Variants in ESRP1 observed in about 807,000 individuals in gnomAD.
ESRP1 encodes the protein epithelial splicing regulatory protein 1, also known as RNA-binding motif protein 35A.
Under a neutral mutation model 81.7 loss-of-function variants are expected in ESRP1, and 33 were observed. That is an observed-to-expected ratio of 0.40 (90% CI 0.31 to 0.54). The LOEUF (loss-of-function observed/expected upper bound fraction) is 0.54. ESRP1 is among the 20% of genes least tolerant of loss of function. The pLI is 0.41. For missense variants in ESRP1, 672 were observed against 833.1 expected (o/e 0.81, Z 2.38); for synonymous variants, 320 against 303.3 (o/e 1.06, Z -0.57).
intron 10 of ESRP1, among the ~76,000 whole-genome samples, chr8:94,670,420 C>T (rs1224817503): frequency 1.3e-5 from 2 of 152,084 alleles, no homozygotes; most frequent in African/African-American, 2.4e-5. Flanking sequence ...CTTTTTCATG[C>T]CGTTTCTCTG....
Position 94,671,494 on chromosome 8 carries a change from A to G in ESRP1, c.1275A>G (p.Pro425=), listed in dbSNP as rs1287412916. The G allele has an allele frequency of 5.0e-6, 8 of 1,613,750 alleles. No individual in the cohort carries two copies. Among genetic ancestry groups the G allele is most frequent in the Non-Finnish European group, 6.8e-6 (8 of 1,179,772 alleles). The change falls in exon 11 of 16, where the codon CCA becomes CCG. Residue 425 remains proline, a synonymous_variant. Coordinates refer to ENST00000433389, the MANE Select transcript of ESRP1 (RefSeq NM_017697.4). The part of the protein sequence containing the change: ...RFSSAPLIPL[P]TPPIIPVLPQ... ...CCTCGGCCCCTCTCATTCCACTTCCAACCCCTCCCATTATTCCAGTACTAC... is the reference window on the plus strand; with the variant it reads ...CCTCGGCCCCTCTCATTCCACTTCCGACCCCTCCCATTATTCCAGTACTAC...
At chr8:94,648,825 A>G (rs1195995563) in intron 4 of ESRP1, among the ~76,000 whole-genome samples, 1 of 152,272 alleles carries the variant, frequency 6.6e-6, no homozygotes, top group African/African-American at 2.4e-5. Context: ...ACGAGGATAC[A>G]GAAATATCAA....
At position 94,641,243 on chromosome 8, in the gene ESRP1, A is replaced by G; in HGVS notation, c.-76A>G. ...TTTTTCTCTTAGAAGAGGGTTTAGC[A>G]CAGGTTTTTTCGTTCTCACTTCCAC... On this transcript the variant is annotated 5_prime_UTR_variant, in exon 1 of 16. Transcript: ENST00000433389. The G allele has an allele frequency of 1.4e-6, 2 of 1,417,502 alleles. No individual in the cohort carries two copies. Among genetic ancestry groups the G allele is most frequent in the Non-Finnish European group, 1.9e-6 (2 of 1,030,028 alleles). The allele number at this position is 1,417,502 out of a possible 1,614,324, so 87.8% of individuals were successfully genotyped here. A position where few individuals can be genotyped will look rare whatever the true frequency, so the allele number is the denominator to read the frequency against.
At chr8:94,650,898 A>G (rs890575460) in intron 4 of ESRP1, among the ~76,000 whole-genome samples, 10 of 151,866 alleles carry the variant, frequency 6.6e-5, no homozygotes, top group African/African-American at 9.7e-5. Context: ...GTAGAGACGG[A>G]GTTTCACCAT....
In ESRP1 at chr8:94,675,529, G is replaced by A. The variant is rs1249425252; in HGVS notation, c.1651+1023G>A. ...CATTTACCTGCTGCTTGCTGTTGGT[G>A]AATATCTTAGAGTTGATCATTAATA... is the stretch of plus-strand genomic sequence containing the variant. On this transcript the variant is annotated intron_variant, in intron 12 of 15. Transcript: ENST00000433389. 3.3e-5 allele frequency among the ~76,000 whole-genome samples: 5 copies of A among 152,264 alleles called. No homozygotes were observed. In the East Asian group the frequency reaches 9.6e-4, roughly 29 times the overall value.
intron 13 of ESRP1, among the ~76,000 whole-genome samples, chr8:94,691,894 T>A (rs1586252150): frequency 6.6e-6 from 1 of 152,154 alleles, no homozygotes; most frequent in African/African-American, 2.4e-5. Flanking sequence ...GTAATAAAAA[T>A]TTTTAATAAT....
intron 4 of ESRP1, among the ~76,000 whole-genome samples, chr8:94,653,809 A>G (rs889813163): frequency 2.0e-5 from 3 of 151,946 alleles, no homozygotes; most frequent in Admixed American, 6.6e-5. Flanking sequence ...AGGGATATAT[A>G]TATATATAAA....
Position 94,670,065 on chromosome 8 carries a change from G to A in ESRP1, c.1234-1388G>A, listed in dbSNP as rs116141363. Among the ~76,000 whole-genome samples, 1,291 of 152,184 alleles carry A rather than the reference G, an allele frequency of 8.5e-3. 25 individuals carry two copies. The highest frequency in any genetic ancestry group is 0.029 in the African/African-American group (1,217 of 41,502). ...AAATCATGGCCTAGAATAAGCTACT[G>A]CAGAGCCTGGGCTACTCTGTTGGTT... On this transcript the variant is annotated intron_variant, in intron 10 of 15. Coordinates refer to ENST00000433389, the MANE Select transcript of ESRP1 (RefSeq NM_017697.4).
chr8:94,689,715 T>A (rs4639480), intron 13 of ESRP1, among the ~76,000 whole-genome samples: 4 of 151,150 alleles, frequency 2.6e-5, no homozygotes, highest in South Asian at 4.2e-4. Context: ...GCAGCCGATC[T>A]TGGCCCACTG....
intron 4 of ESRP1, among the ~76,000 whole-genome samples, chr8:94,655,107 GT>G (rs1385050645): frequency 2.0e-5 from 3 of 148,006 alleles, no homozygotes; most frequent in East Asian, 2.0e-4. Flanking sequence ...GTTTTGTTTA[GT>G]TTTTTTTGAT....
intron 13 of ESRP1, among the ~76,000 whole-genome samples, chr8:94,689,811 CT>C (rs58359551): frequency 0.051 from 3,252 of 63,702 alleles, 20 homozygotes; most frequent in Non-Finnish European, 0.066. Flanking sequence ...TGATGCCTGG[CT>C]TTTTTTTTTT....
chr8:94,672,779 C>T (rs1045419153), intron 11 of ESRP1, among the ~76,000 whole-genome samples: 14 of 152,218 alleles, frequency 9.2e-5, no homozygotes, highest in Admixed American at 2.0e-4. Context: ...GCGATCTACC[C>T]GCCTTGGCCT....
chr8:94,705,772 A>G, intron 15 of ESRP1, 153 bp from the exon 16 acceptor site: 2 of 680,416 alleles, frequency 2.9e-6, no homozygotes, highest in Admixed American at 3.1e-5. Flanking sequence ...GTAAATGCCA[A>G]CTATGTCTGT....
At chr8:94,664,585 C>A in intron 6 of ESRP1, 112 bp from the exon 7 acceptor site, 1 of 756,156 alleles carries the variant, frequency 1.3e-6, no homozygotes, top group Non-Finnish European at 2.3e-6. Flanking sequence ...GCTAGTCTGT[C>A]TGAACACCAA....
chr8:94,665,171 T>C lies in ESRP1; in HGVS notation c.906T>C (p.Gly302=). 1 of 1,613,408 alleles carries C rather than the reference T, an allele frequency of 6.2e-7. No individual in the cohort carries two copies. The highest frequency in any genetic ancestry group is 2.2e-5 in the East Asian group (1 of 44,884). The change falls in exon 9 of 16, where the codon GGT becomes GGC. Residue 302 remains glycine, a synonymous_variant. Coordinates refer to ENST00000433389, the MANE Select transcript of ESRP1 (RefSeq NM_017697.4). ...TRYIEVYKAT[G]EDFLKIAGGT... ...TTTCTCAGGTTTACAAAGCAACAGG[T>C]GAAGATTTCCTTAAAATTGCTGGTG...
At chr8:94,641,606 A>G (rs1817592160) in intron 1 of ESRP1, 156 bp downstream of exon 1, 6 of 1,071,982 alleles carry the variant, frequency 5.6e-6, no homozygotes, top group Non-Finnish European at 8.1e-6. Flanking sequence ...GAGTAAAACC[A>G]AACTTATTGG....
intron 2 of ESRP1, 48 bp from the exon 3 acceptor site, chr8:94,643,255 T>G (rs773568511): frequency 1.5e-6 from 2 of 1,312,994 alleles, no homozygotes; most frequent in South Asian, 1.2e-5. Context: ...TTGCAGAGTT[T>G]GTAAATCGTG....
At position 94,703,330 on chromosome 8, in the gene ESRP1, T is replaced by C. The variant is rs1809924746; in HGVS notation, c.*36-2595T>C. 2.0e-5 allele frequency among the ~76,000 whole-genome samples: 3 copies of C among 152,056 alleles called. No individual in the cohort carries two copies. The South Asian group carries it at 6.3e-4, about 32-fold the overall frequency. ...CCGCTACTCCCAGCTTATTTATTAT[T>C]TTTAGTAGAGACAGGGTTTCACCAT... On this transcript the variant is annotated intron_variant, in intron 15 of 15. Transcript: ENST00000433389.
intron 13 of ESRP1, among the ~76,000 whole-genome samples, chr8:94,681,370 G>T (rs1311752153): frequency 6.8e-6 from 1 of 146,106 alleles, no homozygotes; most frequent in Non-Finnish European, 1.5e-5. Flanking sequence ...TGGCATGGTG[G>T]CTCACTCCTG....
Sources: allele counts gnomAD v4.1 joint callset (sites outside exome capture counted in the v4.1 genomes callset), GRCh38; gene constraint gnomAD v4.1.1; transcripts MANE v1.5; gene names NCBI Gene and HGNC (gene_info 2026-07-23, HGNC 2026-07-21).